The following IL20RB variants were observed in gnomAD, a reference collection of about 807,000 sequenced individuals.
IL20RB encodes the protein interleukin-20 receptor subunit beta.
IL20RB carries 21 observed loss-of-function variants against 33.3 expected under a neutral mutation model. The observed-to-expected ratio is 0.63, with a 90% CI of 0.45 to 0.91. The LOEUF is 0.91. Ranked by LOEUF, IL20RB falls within the 40% of genes least tolerant of loss-of-function variation. The probability of loss-of-function intolerance (pLI) is 0.00; values close to 1 mark genes in which losing one functional copy is unlikely to be tolerated. For synonymous variants in IL20RB, 147 were observed against 146.8 expected, an observed-to-expected ratio of 1.00 and a Z score of -0.01; for missense variants, 345 against 384.8, an observed-to-expected ratio of 0.90 and a Z score of 0.86.
chr3:136,982,096 G>A (rs1941788577), intron 2 of IL20RB, 64 bp from the exon 3 acceptor site: 8 of 1,242,150 alleles, frequency 6.4e-6, no homozygotes, highest in Non-Finnish European at 8.8e-6. Flanking sequence ...TCAGTTACTT[G>A]CAACCATAAC....
chr3:137,006,984 C>G (rs899675453), intron 6 of IL20RB, among the ~76,000 whole-genome samples: 1 of 152,028 alleles, frequency 6.6e-6, no homozygotes, highest in African/African-American at 2.4e-5. Flanking sequence ...GATGTTGATG[C>G]TCTTCCTTTC....
chr3:136,963,478 CA>C (rs1448695274), intron 1 of IL20RB, among the ~76,000 whole-genome samples: 2 of 152,094 alleles, frequency 1.3e-5, no homozygotes, highest in Non-Finnish European at 2.9e-5. Flanking sequence ...AACTTTTAGC[CA>C]TTCTGATAAC....
At chr3:137,002,604 C>T (rs1322767542) in intron 6 of IL20RB, among the ~76,000 whole-genome samples, 1 of 151,906 alleles carries the variant, frequency 6.6e-6, no homozygotes, top group Admixed American at 6.6e-5. Flanking sequence ...TATCCTTTGC[C>T]CACTTTTTGA....
chr3:136,974,673 A>C (rs1941573580), intron 1 of IL20RB, among the ~76,000 whole-genome samples: 1 of 152,224 alleles, frequency 6.6e-6, no homozygotes, highest in African/African-American at 2.4e-5. Context: ...CTTGCTAGAC[A>C]TAGGATGTTT....
intron 3 of IL20RB, among the ~76,000 whole-genome samples, chr3:136,986,153 C>T (rs1232585688): frequency 6.6e-6 from 1 of 151,920 alleles, no homozygotes; most frequent in Non-Finnish European, 1.5e-5. Flanking sequence ...GCGGAGCTTG[C>T]AGTGAGCCAA....
rs1942045885 is a variant in IL20RB, at chr3:136,992,159, G to A, written c.682+71G>A. ...CCCTCCTGGCATATCTCAGAGGCCT[G>A]CTGGGTTCCTTTGGTTCTGAGTTTT... On this transcript the variant is annotated intron_variant, in intron 5 of 6. Transcript: ENST00000329582. The A allele has an allele frequency of 2.6e-6, 4 of 1,519,478 alleles. No individual in the cohort carries two copies. The Admixed American group carries it at 7.6e-5, about 29-fold the overall frequency. The allele number at this position is 1,519,478 out of a possible 1,614,324, so 94.1% of individuals were successfully genotyped here.
intron 6 of IL20RB, among the ~76,000 whole-genome samples, chr3:137,008,194 C>T (rs1381687545): frequency 6.6e-6 from 1 of 151,986 alleles, no homozygotes; most frequent in Admixed American, 6.6e-5. Flanking sequence ...TTCAATGAAC[C>T]GTCCAAGTAT....
At chr3:136,993,413 T>C (rs180734055) in intron 5 of IL20RB, among the ~76,000 whole-genome samples, 1 of 152,340 alleles carries the variant, frequency 6.6e-6, no homozygotes, top group Admixed American at 6.5e-5. Context: ...TCAATACATA[T>C]GGATCTACCT....
At chr3:137,007,074 G>A (rs1942364048) in intron 6 of IL20RB, among the ~76,000 whole-genome samples, 2 of 152,194 alleles carry the variant, frequency 1.3e-5, no homozygotes, top group South Asian at 2.1e-4. Flanking sequence ...ACTCCAGACC[G>A]TTTGCCTGGG....
Position 136,991,937 on chromosome 3 carries a change from G to A in IL20RB, c.532-1G>A, listed in dbSNP as rs1942040262. The A allele has an allele frequency of 1.2e-6, 2 of 1,613,798 alleles. No individual in the cohort carries two copies. The highest frequency in any genetic ancestry group is 1.7e-6 in the Non-Finnish European group (2 of 1,179,882). ...TAACTGTGTTTTCTGGTCTGTCAAA[G>A]GAACATGTCAAAATGGTGAGGAGTG... On this transcript the variant is annotated splice_acceptor_variant, in intron 4 of 6. Coordinates refer to ENST00000329582, the MANE Select transcript of IL20RB (RefSeq NM_144717.4). LOFTEE classifies it high-confidence loss of function.
chr3:136,981,663 C>T (rs978268235), intron 2 of IL20RB, among the ~76,000 whole-genome samples: 4 of 152,206 alleles, frequency 2.6e-5, no homozygotes, highest in African/African-American at 9.7e-5. Context: ...AAAAAGTGCT[C>T]AGCATTTTGG....
chr3:136,971,602 T>G (rs1199335606), intron 1 of IL20RB, among the ~76,000 whole-genome samples: 1 of 152,256 alleles, frequency 6.6e-6, no homozygotes, highest in Non-Finnish European at 1.5e-5. Flanking sequence ...TTTGTTTTTT[T>G]GTTTCTGGCT....
At chr3:136,980,782 A>G (rs192893832) in intron 2 of IL20RB, among the ~76,000 whole-genome samples, 190 bp downstream of exon 2, 74 of 152,360 alleles carry the variant, frequency 4.9e-4, no homozygotes, top group African/African-American at 1.7e-3. Flanking sequence ...TGGATTTGAC[A>G]GTGAACTCTC....
At chr3:137,010,079 C>A in intron 6 of IL20RB, 34 bp from the exon 7 acceptor site, 1 of 933,744 alleles carries the variant, frequency 1.1e-6, no homozygotes, top group Non-Finnish European at 1.8e-6. Flanking sequence ...CTACTGCTAT[C>A]CTCTAATGAA....
In IL20RB at chr3:137,010,305, T is replaced by C; in HGVS notation, c.*82T>C. 1 of 752,662 alleles carries C rather than the reference T, an allele frequency of 1.3e-6. No homozygotes were observed. Among genetic ancestry groups the C allele is most frequent in the Non-Finnish European group, 2.4e-6 (1 of 410,364 alleles). 46.6% of individuals were successfully genotyped at this position (752,662 alleles called of 1,614,324 possible). ...TGAGGGGACAAGTTGTGTTTCTGTTTTCCGCCACGGACAAGGGATGAGAGA... is the reference window on the plus strand; with the variant it reads ...TGAGGGGACAAGTTGTGTTTCTGTTCTCCGCCACGGACAAGGGATGAGAGA... On this transcript the variant is annotated 3_prime_UTR_variant, in exon 7 of 7. Transcript: ENST00000329582.
intron 3 of IL20RB, among the ~76,000 whole-genome samples, chr3:136,985,220 G>A (rs1273385676): frequency 2.0e-5 from 3 of 152,102 alleles, no homozygotes; most frequent in Non-Finnish European, 4.4e-5. Context: ...GATCTCTTAA[G>A]GGCATTAAGT....
chr3:136,980,322 G>T, intron 1 of IL20RB, 144 bp from the exon 2 acceptor site: 3 of 805,044 alleles, frequency 3.7e-6, no homozygotes, highest in Non-Finnish European at 6.2e-6. Flanking sequence ...GTCTCATTCT[G>T]TTGTCTAGGC....
chr3:136,980,545 A>T lies in IL20RB; in HGVS notation c.168A>T (p.Pro56=). 1 of 1,614,242 alleles carries T rather than the reference A, an allele frequency of 6.2e-7. No individual in the cohort carries two copies. The change falls in exon 2 of 7, where the codon CCA becomes CCT. Residue 56 remains proline, a synonymous_variant. Transcript: ENST00000329582. The part of the protein sequence containing the change: ...TNMKHLLMWS[P]VIAPGETVYY... ...TGAAGCATCTCTTGATGTGGAGCCCAGTGATCGCGCCTGGAGAAACAGTGT... is the reference window on the plus strand; with the variant it reads ...TGAAGCATCTCTTGATGTGGAGCCCTGTGATCGCGCCTGGAGAAACAGTGT...
intron 6 of IL20RB, among the ~76,000 whole-genome samples, chr3:137,003,761 C>T (rs1417956895): frequency 3.3e-5 from 5 of 152,118 alleles, no homozygotes; most frequent in Non-Finnish European, 7.4e-5. Context: ...CCTTTATTTC[C>T]TTCTCTTGCC....
Sources: gnomAD v4.1 joint callset for allele counts (sites outside exome capture counted in the v4.1 genomes callset) on GRCh38, gnomAD v4.1.1 for gene constraint, MANE v1.5 for transcripts, NCBI Gene and HGNC (gene_info 2026-07-23, HGNC 2026-07-21) for gene names.